Variants in DNAAF4 observed in about 807,000 individuals in gnomAD.
DNAAF4 encodes dynein assembly factor 4, axonemal.
A neutral mutation model predicts 51.8 loss-of-function variants in DNAAF4; 43 were observed. That is an observed-to-expected ratio of 0.83 (90% confidence interval 0.65 to 1.07). The LOEUF (loss-of-function observed/expected upper bound fraction) is 1.07. Among genes scored for constraint, DNAAF4 ranks in the 50% least tolerant of loss-of-function variants. The pLI is 0.00. For synonymous variants in DNAAF4, 194 were observed against 165.6 expected, an observed-to-expected ratio of 1.17 and a Z score of -1.32; for missense variants, 581 against 493.0, an observed-to-expected ratio of 1.18 and a Z score of -1.69.
intron 3 of DNAAF4, among the ~76,000 whole-genome samples, chr15:55,494,059 C>T (rs2058608309): frequency 3.5e-5 from 5 of 143,882 alleles, no homozygotes; most frequent in Non-Finnish European, 6.0e-5. Context: ...GACTGAGTTT[C>T]GCTCTTGTTG....
At chr15:55,429,694 G>T (rs2057468050), downstream of DNAAF4, among the ~76,000 whole-genome samples, 1 of 151,254 alleles carries the variant, frequency 6.6e-6, no homozygotes, top group African/African-American at 2.4e-5. Flanking sequence ...GCAGGCGCCT[G>T]TAGTCCCATC....
chr15:55,433,833 ATATAT>A (rs1294119150), intron 8 of DNAAF4, among the ~76,000 whole-genome samples: 2 of 79,390 alleles, frequency 2.5e-5, no homozygotes, highest in Non-Finnish European at 4.6e-5. Context: ...TATATATTAC[ATATAT>A]TATATATTAT....
chr15:55,498,344 G>C lies in DNAAF4; in HGVS notation c.-15C>G, dbSNP rs781615543. 7 of 1,596,988 alleles carry C rather than the reference G, an allele frequency of 4.4e-6. No individual in the cohort carries two copies. The East Asian group carries it at 9.1e-5, about 21-fold the overall frequency. ...TGAAGAGGCATTCCGGTAGCAACGGGAGCGGATAGCGCGGCTGGTTGCTTC... is the reference window on the plus strand; with the variant it reads ...TGAAGAGGCATTCCGGTAGCAACGGCAGCGGATAGCGCGGCTGGTTGCTTC... On this transcript the variant is annotated 5_prime_UTR_variant, in exon 2 of 10. Transcript: ENST00000321149.
chr15:55,488,846 C>T (rs909986978), intron 4 of DNAAF4, among the ~76,000 whole-genome samples: 2 of 152,090 alleles, frequency 1.3e-5, no homozygotes, highest in African/African-American at 4.8e-5. Context: ...CCCAGCACTT[C>T]GGGAAGCCAA....
At chr15:55,472,934 G>C (rs2141528455) in intron 4 of DNAAF4, among the ~76,000 whole-genome samples, 1 of 152,096 alleles carries the variant, frequency 6.6e-6, no homozygotes, top group East Asian at 1.9e-4. Flanking sequence ...GGGAAGCCGA[G>C]TCAGGCAAAT....
At chr15:55,453,028 T>C (rs1052373956) in intron 5 of DNAAF4, among the ~76,000 whole-genome samples, 10 of 152,142 alleles carry the variant, frequency 6.6e-5, no homozygotes, top group Non-Finnish European at 1.5e-4. Flanking sequence ...GGTTTCATCA[T>C]GTTGGCCAGG....
chr15:55,507,039 T>TG (rs2058730869), intron 1 of DNAAF4, among the ~76,000 whole-genome samples: 2 of 152,072 alleles, frequency 1.3e-5, no homozygotes, highest in South Asian at 2.1e-4. Flanking sequence ...TTATTAGAGG[T>TG]GGGGTTTCAC....
intron 3 of DNAAF4, among the ~76,000 whole-genome samples, chr15:55,492,012 A>G (rs1400144773): frequency 6.6e-6 from 1 of 150,826 alleles, no homozygotes. Context: ...GTGTGCCAAC[A>G]CATCTGGCTA....
intron 7 of DNAAF4, among the ~76,000 whole-genome samples, chr15:55,419,801 G>T (rs1248643201): frequency 6.6e-6 from 1 of 151,984 alleles, no homozygotes; most frequent in African/African-American, 2.4e-5. Flanking sequence ...GTTTAAGACC[G>T]ACCGGCCTGG....
intron 7 of DNAAF4, among the ~76,000 whole-genome samples, chr15:55,421,015 C>A (rs2057383517): frequency 6.6e-6 from 1 of 151,722 alleles, no homozygotes; most frequent in Non-Finnish European, 1.5e-5. Flanking sequence ...ATGACAAAAC[C>A]CCGTCTCTAC....
At chr15:55,448,240 C>A (rs956771015) in intron 6 of DNAAF4, among the ~76,000 whole-genome samples, 3 of 152,042 alleles carry the variant, frequency 2.0e-5, no homozygotes, top group African/African-American at 7.2e-5. Context: ...TTGAACCAGC[C>A]TTGCATCCCA....
chr15:55,450,407 A>C, intron 5 of DNAAF4, 40 bp from the exon 6 acceptor site: 3 of 1,589,746 alleles, frequency 1.9e-6, no homozygotes, highest in Non-Finnish European at 2.6e-6. Flanking sequence ...CTTATTTCTC[A>C]TTTTCTAGTT....
In DNAAF4 at chr15:55,497,853, A is replaced by G. The variant is rs937339192; in HGVS notation, c.130T>C (p.Phe44Leu). 6.2e-6 allele frequency: 10 copies of G among 1,610,358 alleles called. No homozygotes were observed. Among genetic ancestry groups the G allele is most frequent in the African/African-American group, 2.7e-5 (2 of 74,756 alleles). The change falls in exon 3 of 10, where the codon TTT (phenylalanine) becomes CTT (leucine). Residue 44 changes from phenylalanine (F) to leucine (L), a missense_variant. Transcript: ENST00000321149. ...FCTENYLKVN[F>L]PPFLFEAFLY... ...AATGCCTCAAATAAAAATGGAGGAA[A>G]GTTGACCTATGCAGAAGGGTGAAAA...
chr15:55,434,328 T>G (rs1045016930), intron 8 of DNAAF4, among the ~76,000 whole-genome samples: 6 of 151,798 alleles, frequency 4.0e-5, no homozygotes, highest in East Asian at 1.9e-4. Flanking sequence ...TAGTATGATA[T>G]CAAAGTGATG....
chr15:55,465,564 C>CTTTTT (rs76254398), intron 5 of DNAAF4, among the ~76,000 whole-genome samples: 6 of 131,602 alleles, frequency 4.6e-5, no homozygotes, highest in African/African-American at 1.7e-4. Flanking sequence ...TATGTTCTCA[C>CTTTTT]TTTTTTTTTT....
chr15:55,430,000 C>A (rs925692142), downstream of DNAAF4, among the ~76,000 whole-genome samples: 2 of 152,144 alleles, frequency 1.3e-5, no homozygotes, highest in Non-Finnish European at 2.9e-5. Context: ...GCTGTCTTTT[C>A]TCCCCCTTGT....
chr15:55,472,967 A>G (rs1242257094), intron 4 of DNAAF4, among the ~76,000 whole-genome samples: 1 of 151,782 alleles, frequency 6.6e-6, no homozygotes, highest in Admixed American at 6.6e-5. Flanking sequence ...GGAGTTAGAG[A>G]CCAGCCTGGC....
chr15:55,439,585 G>A lies in DNAAF4; in HGVS notation c.784-4C>T. The A allele has an allele frequency of 6.2e-7, 1 of 1,611,530 alleles. No homozygotes were observed. Reference sequence around the variant, plus strand: ...CCTCAGCTTGTTTGTGTAGCCACTAGAATGAGAAAGAAGTCTTATGAAGAA... The same window carrying A: ...CCTCAGCTTGTTTGTGTAGCCACTAAAATGAGAAAGAAGTCTTATGAAGAA... On this transcript the variant is annotated splice_region_variant and splice_polypyrimidine_tract_variant and intron_variant, in intron 6 of 9. Transcript: ENST00000321149.
In DNAAF4 at chr15:55,472,271, G is replaced by A. The variant is rs2058266221; in HGVS notation, c.406-5110C>T. Among the ~76,000 whole-genome samples the A allele has an allele frequency of 2.0e-5, 3 of 152,158 alleles. No homozygotes were observed. The South Asian group carries it at 6.2e-4, about 32-fold the overall frequency. On this transcript the variant is annotated intron_variant, in intron 4 of 9. Coordinates refer to ENST00000321149, the MANE Select transcript of DNAAF4 (RefSeq NM_130810.4). The stretch of plus-strand genomic sequence containing the variant: ...TCTAATACAGGGAAGACACACGGAG[G>A]AATATGCAGTAACAGAAAAACTCAG...
Sources: allele counts gnomAD v4.1 joint callset (sites outside exome capture counted in the v4.1 genomes callset), GRCh38; gene constraint gnomAD v4.1.1; transcripts MANE v1.5; gene names NCBI Gene and HGNC (gene_info 2026-07-23, HGNC 2026-07-21).